GAS7: variants seen among roughly 807,000 people sequenced by gnomAD.
GAS7 encodes growth arrest-specific protein 7.
GAS7 carries 28 observed loss-of-function variants against 71.1 expected under a neutral mutation model. The observed-to-expected ratio is 0.39, with a 90% CI of 0.29 to 0.54. The LOEUF is 0.54. Ranked by LOEUF, GAS7 falls within the 20% of genes least tolerant of loss-of-function variation. GAS7 has a pLI of 0.62. For missense variants in GAS7, 436 were observed against 627.8 expected (o/e 0.69, Z 3.27); for synonymous variants, 258 against 245.8 (o/e 1.05, Z -0.46).
At chr17:10,132,169 C>T (rs984783921) in intron 1 of GAS7, among the ~76,000 whole-genome samples, 2 of 152,212 alleles carry the variant, frequency 1.3e-5, no homozygotes, top group African/African-American at 4.8e-5. Flanking sequence ...TACTCGTGAA[C>T]GTATGGATAC....
intron 1 of GAS7, among the ~76,000 whole-genome samples, chr17:10,154,718 T>C (rs1017170566): frequency 6.6e-6 from 1 of 152,026 alleles, no homozygotes; most frequent in Non-Finnish European, 1.5e-5. Context: ...CAAAACTCAG[T>C]CCAAACCCAC....
chr17:9,973,995 C>T (rs895843135), intron 3 of GAS7, among the ~76,000 whole-genome samples: 7 of 152,158 alleles, frequency 4.6e-5, no homozygotes, highest in African/African-American at 1.7e-4. Flanking sequence ...TCCCCAGACC[C>T]TCCAAATGCA....
At chr17:10,016,627 A>G (rs1362814482) in intron 2 of GAS7, among the ~76,000 whole-genome samples, 2 of 148,742 alleles carry the variant, frequency 1.3e-5, no homozygotes, top group African/African-American at 4.9e-5. Flanking sequence ...AAAAAAAACA[A>G]AACAAAAAAA....
intron 1 of GAS7, among the ~76,000 whole-genome samples, chr17:10,082,745 C>T (rs1173873252): frequency 6.6e-6 from 1 of 152,136 alleles, no homozygotes; most frequent in Non-Finnish European, 1.5e-5. Context: ...ACCTAAATGT[C>T]CATCAATTGA....
At chr17:10,147,077 T>C (rs969994466) in intron 1 of GAS7, among the ~76,000 whole-genome samples, 1 of 152,174 alleles carries the variant, frequency 6.6e-6, no homozygotes, top group African/African-American at 2.4e-5. Flanking sequence ...ACCTATTAAG[T>C]CAAGAATTAC....
intron 2 of GAS7, among the ~76,000 whole-genome samples, chr17:10,001,126 A>G (rs1242347129): frequency 6.6e-6 from 1 of 152,174 alleles, no homozygotes; most frequent in Non-Finnish European, 1.5e-5. Flanking sequence ...TGTTTAACGT[A>G]GCAACACCCC....
At chr17:10,022,776 C>G (rs934771346) in intron 1 of GAS7, among the ~76,000 whole-genome samples, 5 of 152,172 alleles carry the variant, frequency 3.3e-5, no homozygotes, top group African/African-American at 9.7e-5. Context: ...CTAGCCTCAC[C>G]ATCCCTCTGT....
intron 1 of GAS7, among the ~76,000 whole-genome samples, chr17:10,058,005 A>C (rs931635477): frequency 6.6e-6 from 1 of 152,246 alleles, no homozygotes; most frequent in Non-Finnish European, 1.5e-5. Context: ...AAATGGATTA[A>C]GGGCAGTGCA....
At chr17:10,141,145 G>A (rs2074076913) in intron 1 of GAS7, among the ~76,000 whole-genome samples, 1 of 152,182 alleles carries the variant, frequency 6.6e-6, no homozygotes, top group Admixed American at 6.5e-5. Context: ...CACATCAAGG[G>A]GATATTAAAG....
At chr17:10,123,225 A>G (rs1055188861) in intron 1 of GAS7, among the ~76,000 whole-genome samples, 1 of 152,108 alleles carries the variant, frequency 6.6e-6, no homozygotes, top group Non-Finnish European at 1.5e-5. Context: ...TTGTCATCCT[A>G]CTTAGAGCTG....
At chr17:9,982,775 C>CA (rs1260576923) in intron 2 of GAS7, among the ~76,000 whole-genome samples, 16 of 85,228 alleles carry the variant, frequency 1.9e-4, no homozygotes, top group South Asian at 1.1e-3. Context: ...GACTCTGCCT[C>CA]AAAAAAAAAG....
At chr17:10,186,738 C>G (rs915922854) in intron 1 of GAS7, among the ~76,000 whole-genome samples, 6 of 152,162 alleles carry the variant, frequency 3.9e-5, no homozygotes, top group Non-Finnish European at 8.8e-5. Context: ...AAATATTAGA[C>G]TGGGTTGGGT....
At chr17:10,132,708 C>T (rs992144844) in intron 1 of GAS7, among the ~76,000 whole-genome samples, 3 of 152,000 alleles carry the variant, frequency 2.0e-5, no homozygotes, top group Non-Finnish European at 4.4e-5. Flanking sequence ...GCGGAGGGTG[C>T]AGTGAGCCAA....
intron 1 of GAS7, among the ~76,000 whole-genome samples, chr17:10,115,280 C>T (rs1177626456): frequency 4.6e-5 from 7 of 152,184 alleles, no homozygotes; most frequent in East Asian, 1.9e-4. Context: ...GGACCAGGGA[C>T]GGAAGGAGGG....
intron 1 of GAS7, among the ~76,000 whole-genome samples, chr17:10,134,740 T>G (rs1008420697): frequency 6.6e-6 from 1 of 151,930 alleles, no homozygotes; most frequent in African/African-American, 2.4e-5. Flanking sequence ...GTTATAGCCC[T>G]GTGACTATAG....
chr17:10,096,538 G>GAGC (rs2073642805), intron 1 of GAS7, among the ~76,000 whole-genome samples: 1 of 152,206 alleles, frequency 6.6e-6, no homozygotes, highest in African/African-American at 2.4e-5. Flanking sequence ...TCCAAGGATG[G>GAGC]CACTCCATTT....
chr17:10,081,328 T>C (rs2073454504), intron 1 of GAS7, among the ~76,000 whole-genome samples: 1 of 146,868 alleles, frequency 6.8e-6, no homozygotes, highest in African/African-American at 2.5e-5. Context: ...CTAATTTTTG[T>C]ATTTTTTTGT....
chr17:9,964,300 A>G lies in GAS7; in HGVS notation c.472-5045T>C, dbSNP rs114028202. ...GGCCCCCGACTCCAAATGTCTTCTC[A>G]GCCCATTTCCTCCCCCCCTGCAAAT... On this transcript the variant is annotated intron_variant, in intron 4 of 13. Coordinates refer to ENST00000432992, the MANE Select transcript of GAS7 (RefSeq NM_201433.2). 5.2e-3 allele frequency among the ~76,000 whole-genome samples: 797 copies of G among 152,184 alleles called. 5 individuals are homozygous for G. The highest frequency in any genetic ancestry group is 0.018 in the African/African-American group (729 of 41,508).
chr17:10,098,418 C>T (rs1285943435), intron 1 of GAS7, among the ~76,000 whole-genome samples: 1 of 152,212 alleles, frequency 6.6e-6, no homozygotes, highest in Non-Finnish European at 1.5e-5. Context: ...ATCTCTCCAT[C>T]CACCACAAAA....
Sources: allele counts gnomAD v4.1 joint callset (sites outside exome capture counted in the v4.1 genomes callset), GRCh38; gene constraint gnomAD v4.1.1; transcripts MANE v1.5; gene names NCBI Gene and HGNC (gene_info 2026-07-23, HGNC 2026-07-21).